Variants in VPS26C observed in about 807,000 individuals in gnomAD.
VPS26C encodes the protein vacuolar protein sorting-associated protein 26C.
Under a neutral mutation model 30.6 loss-of-function variants are expected in VPS26C, and 19 were observed. The observed-to-expected ratio is 0.62, with a 90% CI of 0.43 to 0.91. The LOEUF (loss-of-function observed/expected upper bound fraction) is 0.91, where lower values mean the gene tolerates loss of function less well. VPS26C is among the 40% of genes least tolerant of loss of function. The probability of loss-of-function intolerance (pLI) is 0.00; values close to 1 mark genes in which losing one functional copy is unlikely to be tolerated. For synonymous variants in VPS26C, 132 were observed against 151.5 expected, an observed-to-expected ratio of 0.87 and a Z score of 0.95; for missense variants, 318 against 385.1, an observed-to-expected ratio of 0.83 and a Z score of 1.46.
chr21:37,266,641 A>G (rs983243700), intron 1 of VPS26C, among the ~76,000 whole-genome samples: 1 of 152,250 alleles, frequency 6.6e-6, no homozygotes, highest in African/African-American at 2.4e-5. Context: ...TTAATGGCAT[A>G]GTCAAGATTT....
chr21:37,226,127 A>G lies in VPS26C; in HGVS notation c.812-501T>C. 6.3e-6 allele frequency: 1 copy of G among 157,624 alleles called. No homozygotes were observed. The highest frequency in any genetic ancestry group is 1.4e-5 in the Non-Finnish European group (1 of 70,830). The allele number at this position is 157,624 out of a possible 1,614,324, so 9.8% of individuals were successfully genotyped here. Reference sequence around the variant, plus strand: ...GGATACTATTCATCCATCACCTTTCAGCAAACAGGATTCCTTCTCCACCGA... The same window carrying G: ...GGATACTATTCATCCATCACCTTTCGGCAAACAGGATTCCTTCTCCACCGA... On this transcript the variant is annotated intron_variant, in intron 7 of 7. Coordinates refer to ENST00000309117, the MANE Select transcript of VPS26C (RefSeq NM_006052.2). The surrounding 1 kb of genome is among the most constrained non-coding windows in gnomAD (Gnocchi z 4.1).
intron 1 of VPS26C, among the ~76,000 whole-genome samples, chr21:37,241,992 C>A (rs2086092519): frequency 6.6e-6 from 1 of 152,170 alleles, no homozygotes; most frequent in African/African-American, 2.4e-5. Context: ...TATTCTATGT[C>A]CCTTAAATGT....
At chr21:37,258,674 G>A (rs2086272655) in intron 1 of VPS26C, among the ~76,000 whole-genome samples, 1 of 152,198 alleles carries the variant, frequency 6.6e-6, no homozygotes, top group Non-Finnish European at 1.5e-5. Flanking sequence ...GTCTGCACCG[G>A]GGACTCGGCA....
At chr21:37,261,408 T>A (rs552739378) in intron 1 of VPS26C, 1 of 152,302 alleles carries the variant, frequency 6.6e-6, no homozygotes, top group South Asian at 2.1e-4. Context: ...GTTTCGGATC[T>A]TCTAAGTCCT....
chr21:37,255,175 GT>G (rs1179234034), intron 1 of VPS26C, among the ~76,000 whole-genome samples: 2 of 152,118 alleles, frequency 1.3e-5, no homozygotes, highest in Admixed American at 6.5e-5. Flanking sequence ...AAAAAGCTTA[GT>G]TTTTTTCCTG....
At chr21:37,242,047 G>T (rs1339719698) in intron 1 of VPS26C, among the ~76,000 whole-genome samples, 1 of 152,148 alleles carries the variant, frequency 6.6e-6, no homozygotes, top group African/African-American at 2.4e-5. Context: ...CCAAAGCCTT[G>T]AAGTCTAATT....
intron 5 of VPS26C, among the ~76,000 whole-genome samples, chr21:37,230,978 C>A (rs1416828273): frequency 6.6e-6 from 1 of 152,248 alleles, no homozygotes; most frequent in Admixed American, 6.5e-5. Flanking sequence ...AGCCACAATG[C>A]AGACAGCGAG....
In VPS26C at chr21:37,227,202, A is replaced by G. The variant is rs1407948113; in HGVS notation, c.811+452T>C. 5 of 157,188 alleles carry G rather than the reference A, an allele frequency of 3.2e-5. No individual in the cohort carries two copies. The Admixed American group carries it at 3.2e-4, about 10-fold the overall frequency. 9.7% of individuals were successfully genotyped at this position (157,188 alleles called of 1,614,324 possible). On this transcript the variant is annotated intron_variant, in intron 7 of 7. Coordinates refer to ENST00000309117, the MANE Select transcript of VPS26C (RefSeq NM_006052.2). ...CTTCACACAGAGCCACTTTCTCAGT[A>G]TCCACACCACCCCCCACTCCTGTGG...
chr21:37,246,444 AC>A (rs1044386558), intron 1 of VPS26C, among the ~76,000 whole-genome samples: 2 of 152,072 alleles, frequency 1.3e-5, no homozygotes, highest in African/African-American at 2.4e-5. Flanking sequence ...AAAAAAAAAA[AC>A]ATATCCCAAG....
chr21:37,267,056 T>C (rs1387572013), intron 1 of VPS26C, 182 bp downstream of exon 1: 1 of 657,856 alleles, frequency 1.5e-6, no homozygotes, highest in East Asian at 2.9e-5. Flanking sequence ...GCAGCCAGCC[T>C]CGCGCGGGAA....
At position 37,223,635 on chromosome 21, in the gene VPS26C, T is replaced by A. The variant is rs927792749; in HGVS notation, c.*1909A>T. 1 of 152,232 alleles carries A rather than the reference T, an allele frequency of 6.6e-6. No individual in the cohort carries two copies. The highest frequency in any genetic ancestry group is 2.4e-5 in the African/African-American group (1 of 41,456). 9.4% of individuals were successfully genotyped at this position (152,232 alleles called of 1,614,324 possible). A position where few individuals can be genotyped will look rare whatever the true frequency, so the allele number is the denominator to read the frequency against. ...ATAGATAATTAATGTCAGGTGAGCATAAAAGGAGATTATAAACCAGAAATG... is the reference window on the plus strand; with the variant it reads ...ATAGATAATTAATGTCAGGTGAGCAAAAAAGGAGATTATAAACCAGAAATG... On this transcript the variant is annotated 3_prime_UTR_variant, in exon 8 of 8. Transcript: ENST00000309117.
intron 6 of VPS26C, 25 bp from the exon 7 acceptor site, chr21:37,227,831 C>G (rs374542851): frequency 1.9e-6 from 3 of 1,572,380 alleles, no homozygotes; most frequent in Non-Finnish European, 1.7e-6. Context: ...CCACATCACG[C>G]GGTCAGGGCC....
chr21:37,260,485 C>T (rs143134933), intron 1 of VPS26C, among the ~76,000 whole-genome samples: 9 of 152,188 alleles, frequency 5.9e-5, no homozygotes, highest in African/African-American at 1.9e-4. Context: ...AGTTTGAGAC[C>T]GACCTGGGCA....
chr21:37,261,353 C>A (rs1185610095), intron 1 of VPS26C: 3 of 152,130 alleles, frequency 2.0e-5, no homozygotes, highest in Non-Finnish European at 4.4e-5. Flanking sequence ...TTGCCCAGAC[C>A]AATGTCCTGG....
At chr21:37,250,304 TA>T (rs879721399) in intron 1 of VPS26C, among the ~76,000 whole-genome samples, 589 of 141,600 alleles carry the variant, frequency 4.2e-3, no homozygotes, top group East Asian at 0.018. Context: ...GACTCTCTCT[TA>T]AAAAAAAAAA....
chr21:37,240,499 A>G lies in VPS26C; in HGVS notation c.198T>C (p.Val66=), dbSNP rs1372105643. Residue 66 remains valine, a synonymous_variant, in exon 2 of 8, where the codon GTT becomes GTC. Coordinates refer to ENST00000309117, the MANE Select transcript of VPS26C (RefSeq NM_006052.2). The part of the protein sequence containing the change: ...VGVFEAFYNS[V]KPIQIINSTI... ...CAATCTAAGCATTCTTTCTTACCTTAACAGAATTATAAAAAGCTTCAAACA... is the reference window on the plus strand; with the variant it reads ...CAATCTAAGCATTCTTTCTTACCTTGACAGAATTATAAAAAGCTTCAAACA... The G allele has an allele frequency of 6.2e-7, 1 of 1,613,904 alleles. No individual in the cohort carries two copies. The highest frequency in any genetic ancestry group is 8.5e-7 in the Non-Finnish European group (1 of 1,179,974).
At chr21:37,256,402 TATAAA>T (rs899668750) in intron 1 of VPS26C, among the ~76,000 whole-genome samples, 1 of 152,232 alleles carries the variant, frequency 6.6e-6, no homozygotes, top group Non-Finnish European at 1.5e-5. Context: ...TTTATCTGTT[TATAAA>T]ATAAAGTATT....
chr21:37,238,671 A>G (rs2086050622), intron 2 of VPS26C, 62 bp from the exon 3 acceptor site: 2 of 1,584,350 alleles, frequency 1.3e-6, no homozygotes, highest in Non-Finnish European at 1.7e-6. Context: ...TCCAATTACT[A>G]ATAACGTTCT....
At chr21:37,268,065 C>T (rs374676453), upstream of VPS26C, 2 of 152,294 alleles carry the variant, frequency 1.3e-5, no homozygotes, top group South Asian at 2.1e-4. Context: ...TGACCTCGCT[C>T]CTCTCGGAGC....
Sources: allele counts gnomAD v4.1 joint callset (sites outside exome capture counted in the v4.1 genomes callset), GRCh38; gene constraint gnomAD v4.1.1; non-coding constraint Gnocchi (gnomAD v3.1); transcripts MANE v1.5; gene names NCBI Gene and HGNC (gene_info 2026-07-23, HGNC 2026-07-21).